ADAMTS2: variants seen among roughly 807,000 people sequenced by gnomAD.
ADAMTS2 encodes A disintegrin and metalloproteinase with thrombospondin motifs 2.
Under a neutral mutation model 123.0 loss-of-function variants are expected in ADAMTS2, and 50 were observed. That is an observed-to-expected ratio of 0.41 (90% CI 0.32 to 0.51). ADAMTS2 has a LOEUF of 0.51. ADAMTS2 is among the 20% of genes least tolerant of loss of function. The pLI is 0.35. For synonymous variants in ADAMTS2, 678 were observed against 695.4 expected (o/e 0.98, Z 0.39); for missense variants, 1,494 against 1,705.2 (o/e 0.88, Z 2.18).
At chr5:179,134,167 C>G (rs1428457358) in intron 13 of ADAMTS2, among the ~76,000 whole-genome samples, 1 of 152,156 alleles carries the variant, frequency 6.6e-6, no homozygotes, top group Non-Finnish European at 1.5e-5. Context: ...TGCTTGCTGC[C>G]TGTATTAATT....
At chr5:179,258,667 G>A (rs938631374) in intron 3 of ADAMTS2, among the ~76,000 whole-genome samples, 1 of 152,200 alleles carries the variant, frequency 6.6e-6, no homozygotes, top group African/African-American at 2.4e-5. Context: ...AAAGGTCCTT[G>A]AGAAAAGGGC....
chr5:179,223,456 TCACA>T (rs748515815), intron 3 of ADAMTS2, among the ~76,000 whole-genome samples: 1 of 124,392 alleles, frequency 8.0e-6, no homozygotes. Flanking sequence ...ACACGCACAC[TCACA>T]CACGAATGCA....
rs1763530661 is a variant in ADAMTS2, at chr5:179,158,607, C to G, written c.1132+116G>C. 1 of 1,435,874 alleles carries G rather than the reference C, an allele frequency of 7.0e-7. No homozygotes were observed. Among genetic ancestry groups the G allele is most frequent in the South Asian group, 1.2e-5 (1 of 86,364 alleles). The allele number at this position is 1,435,874 out of a possible 1,614,324, so 88.9% of individuals were successfully genotyped here. A position where few individuals can be genotyped will look rare whatever the true frequency, so the allele number is the denominator to read the frequency against. ...CCTCACCCAGCTAAGGTGGCCACGG[C>G]CTTCCCTGCCCTGACACTCTTCCCT... On this transcript the variant is annotated intron_variant, in intron 6 of 21. Transcript: ENST00000251582. The surrounding 1 kb of genome is among the most constrained non-coding windows in gnomAD (Gnocchi z 5.0).
rs923927616 is a variant in ADAMTS2, at chr5:179,158,260, C to T, written c.1132+463G>A. 1.4e-4 allele frequency among the ~76,000 whole-genome samples: 22 copies of T among 152,154 alleles called. No homozygotes were observed. The highest frequency in any genetic ancestry group is 3.6e-4 in the African/African-American group (15 of 41,428). ...GATTACAGGTGTGAACCACCGCGCC[C>T]GGCCTTTTGTCTCTTTTTAAAGAAA... On this transcript the variant is annotated intron_variant, in intron 6 of 21. Coordinates refer to ENST00000251582, the MANE Select transcript of ADAMTS2 (RefSeq NM_014244.5). This position sits in a 1 kb window ranked among gnomAD's most constrained non-coding sequence, Gnocchi z 5.0.
chr5:179,116,939 G>A (rs1762668393), intron 21 of ADAMTS2, among the ~76,000 whole-genome samples: 1 of 152,202 alleles, frequency 6.6e-6, no homozygotes, highest in Non-Finnish European at 1.5e-5. Flanking sequence ...AAGGAGGAAG[G>A]GGGAGGGCCT....
In ADAMTS2 at chr5:179,207,506, C is replaced by CCCCCCCCA; in HGVS notation, c.891+6_891+7insTGGGGGGG. The CCCCCCCCA allele has an allele frequency of 6.2e-7, 1 of 1,607,718 alleles. No homozygotes were observed. Among genetic ancestry groups the CCCCCCCCA allele is most frequent in the Non-Finnish European group, 8.5e-7 (1 of 1,175,804 alleles). ...CCCCACCCTGCCCCCTCAGCCACCCCACTCACAATGTTCATGAGTGTCAGC... is the reference window on the plus strand; with the variant it reads ...CCCCACCCTGCCCCCTCAGCCACCCCCCCCCCCAACTCACAATGTTCATGAGTGTCAGC... On this transcript the variant is annotated splice_region_variant and intron_variant, in intron 4 of 21. Coordinates refer to ENST00000251582, the MANE Select transcript of ADAMTS2 (RefSeq NM_014244.5).
chr5:179,343,907 C>T lies in ADAMTS2; in HGVS notation c.394G>A (p.Ala132Thr), dbSNP rs774483457. ...TGCCACTCCATAGTGGCCCCGGGCGCCACGAGGCGGGCGTTGGGCCGCAGC... is the reference window on the plus strand; with the variant it reads ...TGCCACTCCATAGTGGCCCCGGGCGTCACGAGGCGGGCGTTGGGCCGCAGC... Reference protein sequence around the residue: ...LRLRPNARLVAPGATMEWQGE... With the variant: ...LRLRPNARLVTPGATMEWQGE... The change falls in exon 2 of 22, where the codon GCG (alanine) becomes ACG (threonine). Residue 132 changes from alanine to threonine, a missense_variant. By Grantham distance (58) the Ala-to-Thr change is moderately conservative. Around this residue, in one of 6 missense-constraint regions of ADAMTS2, gnomAD observed 237 missense variants for 233.7 expected, o/e 1.01. Coordinates refer to ENST00000251582, the MANE Select transcript of ADAMTS2 (RefSeq NM_014244.5). 1.4e-5 allele frequency: 22 copies of T among 1,605,654 alleles called. No individual in the cohort carries two copies. Among genetic ancestry groups the T allele is most frequent in the Non-Finnish European group, 1.8e-5 (21 of 1,177,408 alleles).
chr5:179,139,264 G>A (rs989038508), intron 11 of ADAMTS2, among the ~76,000 whole-genome samples: 5 of 152,116 alleles, frequency 3.3e-5, no homozygotes, highest in African/African-American at 9.7e-5. Flanking sequence ...GGAGAGGAGG[G>A]TGTGGATGAG....
intron 21 of ADAMTS2, among the ~76,000 whole-genome samples, chr5:179,116,260 A>ACCCCCC (rs146306326): frequency 1.9e-4 from 18 of 93,776 alleles, no homozygotes; most frequent in African/African-American, 3.2e-4. Context: ...TGACCACGGC[A>ACCCCCC]CCCCCCCCCC....
chr5:179,266,586 T>C (rs1460264320), intron 3 of ADAMTS2, among the ~76,000 whole-genome samples: 1 of 152,166 alleles, frequency 6.6e-6, no homozygotes. Flanking sequence ...AGTTCTGAGC[T>C]CCCGAACTGT....
intron 3 of ADAMTS2, among the ~76,000 whole-genome samples, chr5:179,250,843 C>T (rs566564689): frequency 6.6e-6 from 1 of 152,228 alleles, no homozygotes; most frequent in Admixed American, 6.5e-5. Context: ...ATAGCAGCCT[C>T]GGCTTGTCTT....
chr5:179,244,775 A>T (rs1455761776), intron 3 of ADAMTS2, among the ~76,000 whole-genome samples: 4 of 152,232 alleles, frequency 2.6e-5, no homozygotes, highest in African/African-American at 4.8e-5. Flanking sequence ...GGAGTAAAAA[A>T]ATGACACCAG....
At chr5:179,337,415 A>T (rs1366021901) in intron 2 of ADAMTS2, among the ~76,000 whole-genome samples, 1 of 152,192 alleles carries the variant, frequency 6.6e-6, no homozygotes, top group African/African-American at 2.4e-5. Flanking sequence ...ACGTGCACAA[A>T]CATATGCACC....
intron 2 of ADAMTS2, among the ~76,000 whole-genome samples, chr5:179,302,289 G>A (rs201566612): frequency 1.3e-4 from 19 of 145,028 alleles, no homozygotes; most frequent in African/African-American, 2.6e-4. Flanking sequence ...GTGAAACCCC[G>A]TCTCTACTAA....
At chr5:179,337,549 T>C (rs775907081) in intron 2 of ADAMTS2, among the ~76,000 whole-genome samples, 1 of 152,170 alleles carries the variant, frequency 6.6e-6, no homozygotes, top group Non-Finnish European at 1.5e-5. Flanking sequence ...GCCACCAGCC[T>C]GCTGTGCCGG....
chr5:179,207,475 T>TGG, intron 4 of ADAMTS2, 38 bp downstream of exon 4: 11 of 588,612 alleles, frequency 1.9e-5, no homozygotes, highest in East Asian at 1.1e-4. Flanking sequence ...TGGTTGACCC[T>TGG]CCCCGCCCCA....
intron 5 of ADAMTS2, among the ~76,000 whole-genome samples, chr5:179,163,170 G>A (rs578099116): frequency 4.6e-5 from 7 of 152,300 alleles, no homozygotes; most frequent in East Asian, 3.9e-4. Flanking sequence ...GGGGAGTACC[G>A]GGAGGATGCT....
intron 3 of ADAMTS2, among the ~76,000 whole-genome samples, chr5:179,248,839 C>T (rs1765858812): frequency 6.6e-6 from 1 of 152,082 alleles, no homozygotes; most frequent in Admixed American, 6.5e-5. Flanking sequence ...ACAACCGGCA[C>T]ATGATCAGTA....
intron 2 of ADAMTS2, among the ~76,000 whole-genome samples, chr5:179,298,873 A>G (rs1226681685): frequency 6.6e-6 from 1 of 152,194 alleles, no homozygotes; most frequent in Non-Finnish European, 1.5e-5. Flanking sequence ...ATAACCTAAA[A>G]TCCAACCACT....
Sources: gnomAD v4.1 joint callset for allele counts (sites outside exome capture counted in the v4.1 genomes callset) on GRCh38, gnomAD v4.1.1 for gene constraint, gnomAD v4.1.1 regional missense constraint, Gnocchi (gnomAD v3.1) non-coding constraint, MANE v1.5 for transcripts, NCBI Gene and HGNC (gene_info 2026-07-23, HGNC 2026-07-21) for gene names.